ELF1: variants seen among roughly 807,000 people sequenced by gnomAD.
The protein encoded by ELF1 is ETS-related transcription factor Elf-1.
Under a neutral mutation model 59.9 loss-of-function variants are expected in ELF1, and 24 were observed. The ratio of observed to expected loss-of-function variants is 0.40; its 90% CI spans 0.29 to 0.56. The LOEUF (loss-of-function observed/expected upper bound fraction) is 0.56, where lower values mean the gene tolerates loss of function less well. ELF1 is among the 20% of genes least tolerant of loss of function. The probability of loss-of-function intolerance (pLI) is 0.44; values close to 1 mark genes in which losing one functional copy is unlikely to be tolerated. For missense variants in ELF1, 627 were observed against 742.2 expected (o/e 0.84, Z 1.80); for synonymous variants, 248 against 266.2 (o/e 0.93, Z 0.67).
chr13:40,965,983 C>G (rs1872152742), intron 2 of ELF1, among the ~76,000 whole-genome samples: 1 of 152,236 alleles, frequency 6.6e-6, no homozygotes, highest in Non-Finnish European at 1.5e-5. Flanking sequence ...GACCACCGCT[C>G]TGAAGAATGA....
chr13:41,001,151 A>AT (rs1399479424), intron 1 of ELF1, among the ~76,000 whole-genome samples: 1 of 151,682 alleles, frequency 6.6e-6, no homozygotes, highest in Non-Finnish European at 1.5e-5. Flanking sequence ...TAATTTTTGT[A>AT]TTTTTAGTAG....
At chr13:40,949,782 C>G in intron 5 of ELF1, 24 bp downstream of exon 5, 1 of 1,612,454 alleles carries the variant, frequency 6.2e-7, no homozygotes, top group South Asian at 1.1e-5. Context: ...TGACTATGCG[C>G]CCTAAACAAA....
At chr13:41,023,036 T>C (rs1001247208), upstream of ELF1, among the ~76,000 whole-genome samples, 3 of 152,212 alleles carry the variant, frequency 2.0e-5, no homozygotes, top group Admixed American at 6.5e-5. Flanking sequence ...AAATTAGATA[T>C]GGATCAAGTC....
intron 1 of ELF1, among the ~76,000 whole-genome samples, chr13:41,060,609 A>C (rs1333679249): frequency 6.6e-6 from 1 of 152,196 alleles, no homozygotes; most frequent in Non-Finnish European, 1.5e-5. Flanking sequence ...TCCTGGCGCC[A>C]CTAACTACAG....
chr13:40,939,154 A>G (rs1388647884), intron 8 of ELF1, among the ~76,000 whole-genome samples: 1 of 152,122 alleles, frequency 6.6e-6, no homozygotes, highest in African/African-American at 2.4e-5. Context: ...GTAAAACCCC[A>G]TTTCTACAAA....
At chr13:40,982,370 C>A in intron 1 of ELF1, 88 bp from the exon 2 acceptor site, 34 of 881,090 alleles carry the variant, frequency 3.9e-5, no homozygotes, top group Middle Eastern at 5.1e-4. Context: ...ATCGCTAAAG[C>A]ATTTTTTTAT....
chr13:41,015,656 G>A (rs1271337683), intron 1 of ELF1, among the ~76,000 whole-genome samples: 1 of 152,092 alleles, frequency 6.6e-6, no homozygotes, highest in Non-Finnish European at 1.5e-5. Context: ...AGTTAAAACT[G>A]GGTGATTCTT....
intron 2 of ELF1, among the ~76,000 whole-genome samples, chr13:40,977,030 T>C (rs1193731832): frequency 1.3e-5 from 2 of 152,096 alleles, no homozygotes; most frequent in South Asian, 2.1e-4. Context: ...AACACAAATA[T>C]GATTTGCCAG....
At chr13:40,948,067 G>A (rs532137835) in intron 5 of ELF1, among the ~76,000 whole-genome samples, 1 of 152,096 alleles carries the variant, frequency 6.6e-6, no homozygotes, top group East Asian at 1.9e-4. Context: ...ATTGGACATC[G>A]GTCAACAAAA....
intron 7 of ELF1, among the ~76,000 whole-genome samples, chr13:40,942,320 G>A (rs770363713): frequency 1.5e-4 from 23 of 152,032 alleles, no homozygotes; most frequent in Non-Finnish European, 2.2e-4. Context: ...CATTCAGATC[G>A]TTCTTATTTC....
At position 41,060,094 on chromosome 13, in the gene ELF1, G is replaced by A. The variant is rs574168020; in HGVS notation, c.-229+744C>T. Among the ~76,000 whole-genome samples, 7 of 152,324 alleles carry A rather than the reference G, an allele frequency of 4.6e-5. No homozygotes were observed. The East Asian group carries it at 9.7e-4, about 21-fold the overall frequency. ...CCTTAAGTCAAGTTGGGAAGACCTC[G>A]CAGGCCGGCCTCGCGCTTGCTCAGG... is the stretch of plus-strand genomic sequence containing the variant. On this transcript the variant is annotated intron_variant, in intron 1 of 1. Coordinates refer to the ELF1 transcript ENST00000405737.
intron 1 of ELF1, among the ~76,000 whole-genome samples, chr13:40,989,284 A>G (rs185392077): frequency 2.9e-4 from 44 of 152,322 alleles, no homozygotes; most frequent in Admixed American, 2.7e-3. Context: ...TCTACACACA[A>G]AGTTGAAGGG....
chr13:41,024,313 T>TG (rs112153344), upstream of ELF1, among the ~76,000 whole-genome samples: 820 of 151,086 alleles, frequency 5.4e-3, 9 homozygotes, highest in African/African-American at 0.017. Context: ...TTGTTTGTTT[T>TG]GGGGGGGGTG....
chr13:41,033,968 G>A (rs1876272532), intron 1 of ELF1, among the ~76,000 whole-genome samples: 1 of 152,116 alleles, frequency 6.6e-6, no homozygotes, highest in Non-Finnish European at 1.5e-5. Flanking sequence ...TCTATATCCT[G>A]ATTATGGTGA....
In ELF1 at chr13:40,951,421, T is replaced by G; in HGVS notation, c.269A>C (p.His90Pro). 6.2e-7 allele frequency: 1 copy of G among 1,613,748 alleles called. No individual in the cohort carries two copies. The highest frequency in any genetic ancestry group is 1.3e-5 in the African/African-American group (1 of 75,022). The change falls in exon 4 of 9, where the codon CAT (histidine) becomes CCT (proline). Residue 90 changes from histidine (H) to proline (P), a missense_variant. Coordinates refer to ENST00000239882, the MANE Select transcript of ELF1 (RefSeq NM_172373.4). ...AGTTTCAATTGTTTCATCCCCGTCATGACAAGAAGCTTCAACTGCAACACA... is the reference window on the plus strand; with the variant it reads ...AGTTTCAATTGTTTCATCCCCGTCAGGACAAGAAGCTTCAACTGCAACACA... ...DITLTVEASC[H>P]DGDETIETIE...
intron 3 of ELF1, among the ~76,000 whole-genome samples, chr13:40,953,980 G>C (rs1871032702): frequency 6.6e-6 from 1 of 152,172 alleles, no homozygotes; most frequent in Admixed American, 6.5e-5. Context: ...AACTTACAAA[G>C]ACTGTAGCCT....
chr13:41,015,344 A>C (rs1202186120), intron 1 of ELF1, among the ~76,000 whole-genome samples: 6 of 152,148 alleles, frequency 3.9e-5, no homozygotes, highest in Non-Finnish European at 7.4e-5. Flanking sequence ...GCAAAAAAAA[A>C]CAGACTAGAG....
chr13:41,040,905 G>A (rs1876580396), intron 1 of ELF1, among the ~76,000 whole-genome samples: 1 of 152,142 alleles, frequency 6.6e-6, no homozygotes, highest in Admixed American at 6.6e-5. Flanking sequence ...CTGTTCCGCA[G>A]ACTAAGGTAA....
At chr13:41,001,407 G>A (rs1874436486) in intron 1 of ELF1, among the ~76,000 whole-genome samples, 2 of 152,118 alleles carry the variant, frequency 1.3e-5, no homozygotes, top group Admixed American at 1.3e-4. Flanking sequence ...AGGCAACATA[G>A]CAAGACTCCA....
Sources: allele counts gnomAD v4.1 joint callset (sites outside exome capture counted in the v4.1 genomes callset), GRCh38; gene constraint gnomAD v4.1.1; transcripts MANE v1.5; gene names NCBI Gene and HGNC (gene_info 2026-07-23, HGNC 2026-07-21).